PAFAH2: variants seen among roughly 807,000 people sequenced by gnomAD.
PAFAH2 encodes platelet-activating factor acetylhydrolase 2, cytoplasmic.
Under a neutral mutation model 49.0 loss-of-function variants are expected in PAFAH2, and 42 were observed. The ratio of observed to expected loss-of-function variants is 0.86; its 90% confidence interval spans 0.67 to 1.11. The LOEUF (loss-of-function observed/expected upper bound fraction) is 1.11. PAFAH2 is among the 50% of genes least tolerant of loss of function. The pLI, the probability that PAFAH2 is intolerant of heterozygous loss-of-function variation, is 0.00. For missense variants in PAFAH2, 503 were observed against 501.8 expected (o/e 1.00, Z -0.02); for synonymous variants, 184 against 181.3 (o/e 1.01, Z -0.12).
intron 10 of PAFAH2, among the ~76,000 whole-genome samples, chr1:25,965,115 T>A (rs1168923811): frequency 6.6e-6 from 1 of 152,062 alleles, no homozygotes; most frequent in East Asian, 1.9e-4. Flanking sequence ...CCCCCATACC[T>A]ACAACCAACT....
chr1:25,996,329 C>T (rs1305376870), intron 1 of PAFAH2, among the ~76,000 whole-genome samples: 2 of 152,156 alleles, frequency 1.3e-5, no homozygotes, highest in East Asian at 1.9e-4. Flanking sequence ...TGTGCCACTG[C>T]ACTTCGGCCT....
chr1:25,990,964 C>A, intron 1 of PAFAH2, 101 bp from the exon 2 acceptor site: 1 of 601,804 alleles, frequency 1.7e-6, no homozygotes, highest in Non-Finnish European at 3.0e-6. Flanking sequence ...CTCCTTAGCA[C>A]CTCATCCTCC....
intron 7 of PAFAH2, 117 bp from the exon 8 acceptor site, chr1:25,976,890 G>C: frequency 1.4e-6 from 1 of 693,762 alleles, no homozygotes; most frequent in Non-Finnish European, 2.5e-6. Context: ...AATACAGCAA[G>C]TGAGTCCACC....
chr1:25,986,889 A>G (rs530075652), intron 4 of PAFAH2, among the ~76,000 whole-genome samples: 10 of 152,230 alleles, frequency 6.6e-5, no homozygotes, highest in African/African-American at 2.4e-4. Flanking sequence ...TTTATTGAGT[A>G]CCTATTATAT....
rs1337962430 is a variant in PAFAH2 at position 25,964,486 on chromosome 1, G to A, written c.1085-2403C>T. Among the ~76,000 whole-genome samples, 9 of 152,018 alleles carry A rather than the reference G, an allele frequency of 5.9e-5. 1 individual carries two copies. The highest frequency in any genetic ancestry group is 1.9e-4 in the East Asian group (1 of 5,200). On this transcript the variant is annotated intron_variant, in intron 10 of 10. Coordinates refer to ENST00000374282, the MANE Select transcript of PAFAH2 (RefSeq NM_000437.4). ...TTTGGGAGGCTGAGGCAGGAGGATC[G>A]CCTGAGCCCAGGAGTTTGAGACCAG... is the stretch of plus-strand genomic sequence containing the variant.
At chr1:25,990,887 C>T (rs2049863131) in intron 1 of PAFAH2, 24 bp from the exon 2 acceptor site, 2 of 1,249,512 alleles carry the variant, frequency 1.6e-6, no homozygotes, top group Non-Finnish European at 2.3e-6. Flanking sequence ...CACAGAACAG[C>T]AGCCGCTTGC....
At chr1:25,984,344 T>G (rs1051453555) in intron 5 of PAFAH2, 116 bp downstream of exon 5, 1 of 841,484 alleles carries the variant, frequency 1.2e-6, no homozygotes, top group Non-Finnish European at 1.9e-6. Context: ...CCTTTAAAAG[T>G]GGTATAATGC....
chr1:25,974,588 C>A lies in PAFAH2; in HGVS notation c.821G>T (p.Arg274Leu). Reference protein sequence around the residue: ...PLERDFYPKARGPVFFINTEK... With the variant: ...PLERDFYPKALGPVFFINTEK... ...AGTATTGATAAAGAACACAGGTCCT[C>A]GGGCCTTGGGGTAAAAGTCACGTTC... is the stretch of plus-strand genomic sequence containing the variant. Residue 274 changes from arginine (R) to leucine (L), a missense_variant, in exon 9 of 11, where the codon CGA (arginine) becomes CTA (leucine). Transcript: ENST00000374282. The A allele has an allele frequency of 6.2e-7, 1 of 1,614,134 alleles. No individual in the cohort carries two copies. Among genetic ancestry groups the A allele is most frequent in the South Asian group, 1.1e-5 (1 of 91,078 alleles).
intron 9 of PAFAH2, among the ~76,000 whole-genome samples, chr1:25,973,106 T>G (rs1004160946): frequency 6.6e-6 from 1 of 152,168 alleles, no homozygotes. Context: ...GCCTGGTGAA[T>G]TTCAAACATT....
chr1:25,989,444 T>A lies in PAFAH2; in HGVS notation c.244+4A>T. The A allele has an allele frequency of 1.3e-5, 21 of 1,591,768 alleles. No individual in the cohort carries two copies. Among genetic ancestry groups the A allele is most frequent in the Non-Finnish European group, 1.8e-5 (21 of 1,168,882 alleles). ...AAGCATGCAGAGGTCAGGCCAGCCC[T>A]TACCCACCGCCAGGTTGAACAGCAA... On this transcript the variant is annotated splice_donor_region_variant and intron_variant, in intron 3 of 10. Coordinates refer to ENST00000374282, the MANE Select transcript of PAFAH2 (RefSeq NM_000437.4).
At chr1:25,987,567 G>A (rs1193510064) in intron 4 of PAFAH2, among the ~76,000 whole-genome samples, 1 of 152,110 alleles carries the variant, frequency 6.6e-6, no homozygotes, top group Non-Finnish European at 1.5e-5. Flanking sequence ...CACACACAGA[G>A]TGAACCCTCA....
chr1:25,983,130 C>T (rs1245334779), intron 6 of PAFAH2, among the ~76,000 whole-genome samples: 1 of 152,094 alleles, frequency 6.6e-6, no homozygotes, highest in African/African-American at 2.4e-5. Context: ...GTGGCTCACA[C>T]CTATATCTCC....
chr1:25,964,789 A>C (rs1254861405), intron 10 of PAFAH2, among the ~76,000 whole-genome samples: 2 of 152,226 alleles, frequency 1.3e-5, no homozygotes, highest in Non-Finnish European at 2.9e-5. Flanking sequence ...TGGAAAAAAC[A>C]TCCCACACTC....
At chr1:25,963,799 C>A (rs1477945976) in intron 10 of PAFAH2, among the ~76,000 whole-genome samples, 1 of 152,070 alleles carries the variant, frequency 6.6e-6, no homozygotes, top group African/African-American at 2.4e-5. Flanking sequence ...CGGTGCCTGG[C>A]CAGGCCAATG....
chr1:25,965,817 C>CAAAAAAAAAAA (rs56272061), intron 10 of PAFAH2, among the ~76,000 whole-genome samples: 1 of 17,388 alleles, frequency 5.8e-5, no homozygotes, highest in Non-Finnish European at 9.1e-5. Context: ...GACTTTGTCT[C>CAAAAAAAAAAA]AAAAAAAAAA....
Position 25,990,821 on chromosome 1 carries a change from T to C in PAFAH2, c.-5A>G. The C allele has an allele frequency of 6.2e-7, 1 of 1,613,124 alleles. No individual in the cohort carries two copies. Among genetic ancestry groups the C allele is most frequent in the Non-Finnish European group, 8.5e-7 (1 of 1,179,116 alleles). On this transcript the variant is annotated 5_prime_UTR_variant, in exon 2 of 11. It removes an upstream start codon present in the reference 5' UTR. Transcript: ENST00000374282. ...CACAGACTGGTTGACCCCCATTTCA[T>C]CACCGGGTGAATCAAATGACTTGCC...
chr1:25,971,540 C>T (rs1361676588), intron 10 of PAFAH2, among the ~76,000 whole-genome samples: 2 of 151,952 alleles, frequency 1.3e-5, no homozygotes, highest in South Asian at 2.1e-4. Context: ...AAATGCATAA[C>T]GGAACAAAGA....
chr1:25,992,681 C>G (rs557178511), intron 1 of PAFAH2, among the ~76,000 whole-genome samples: 1 of 152,288 alleles, frequency 6.6e-6, no homozygotes, highest in Admixed American at 6.5e-5. Flanking sequence ...GCGAGCAGAG[C>G]CAGAATTCGA....
At chr1:25,984,371 C>T (rs765299823) in intron 5 of PAFAH2, 89 bp downstream of exon 5, 83 of 997,952 alleles carry the variant, frequency 8.3e-5, no homozygotes, top group South Asian at 1.7e-4. Context: ...GCACGGTTGT[C>T]GAGAGGGTTA....
Sources: gnomAD v4.1 joint callset for allele counts (sites outside exome capture counted in the v4.1 genomes callset) on GRCh38, gnomAD v4.1.1 for gene constraint, MANE v1.5 for transcripts, NCBI Gene and HGNC (gene_info 2026-07-23, HGNC 2026-07-21) for gene names.